CFH: variants seen among roughly 807,000 people sequenced by gnomAD.
CFH encodes the protein complement factor H, also known as H factor 1 (complement).
In CFH, 53 loss-of-function variants were observed where a neutral mutation model predicts 147.3. That is an observed-to-expected ratio of 0.36 (90% CI 0.29 to 0.45). The LOEUF is 0.45. Among genes scored for constraint, CFH ranks in the 20% least tolerant of loss-of-function variants. The pLI is 1.00. For missense variants in CFH, 1,380 were observed against 1,498.0 expected, an observed-to-expected ratio of 0.92 and a Z score of 1.30; for synonymous variants, 536 against 489.4, an observed-to-expected ratio of 1.10 and a Z score of -1.26.
At chr1:196,724,238 A>G (rs1205861044) in intron 11 of CFH, among the ~76,000 whole-genome samples, 1 of 151,896 alleles carries the variant, frequency 6.6e-6, no homozygotes. Flanking sequence ...TGCCACATCC[A>G]AGCAGGTGAC....
At chr1:196,705,974 C>T (rs146501595) in intron 9 of CFH, among the ~76,000 whole-genome samples, 68 of 152,228 alleles carry the variant, frequency 4.5e-4, no homozygotes, top group African/African-American at 1.6e-3. Flanking sequence ...TTCTATTCAA[C>T]CAGACATGAC....
Position 196,700,870 on chromosome 1 carries a change from A to G in CFH, c.1336+10631A>G, listed in dbSNP as rs1481611066. On this transcript the variant is annotated intron_variant, in intron 9 of 21. Coordinates refer to ENST00000367429, the MANE Select transcript of CFH (RefSeq NM_000186.4). ...ACACAACCTTGTCTGCAGCAGAGAAACCATTTCTGGTCTCAGAAGAAGTCT... is the reference window on the plus strand; with the variant it reads ...ACACAACCTTGTCTGCAGCAGAGAAGCCATTTCTGGTCTCAGAAGAAGTCT... The G allele has an allele frequency of 4.1e-6, 4 of 985,066 alleles. No individual in the cohort carries two copies. In the African/African-American group the frequency reaches 7.0e-5, roughly 17 times the overall value. 61.0% of individuals were successfully genotyped at this position (985,066 alleles called of 1,614,324 possible).
chr1:196,659,675 C>T (rs771654712), intron 1 of CFH, among the ~76,000 whole-genome samples: 20 of 152,202 alleles, frequency 1.3e-4, no homozygotes, highest in Non-Finnish European at 2.4e-4. Context: ...GTGGAAAGGG[C>T]CTGTAACTTC....
chr1:196,720,620 CT>C (rs991012845), intron 11 of CFH, among the ~76,000 whole-genome samples: 42 of 151,160 alleles, frequency 2.8e-4, no homozygotes, highest in African/African-American at 8.5e-4. Flanking sequence ...TGATTTTATT[CT>C]TTTTTTTTCT....
intron 20 of CFH, among the ~76,000 whole-genome samples, chr1:196,744,116 A>G (rs1652917583): frequency 6.6e-6 from 1 of 152,134 alleles, no homozygotes; most frequent in Non-Finnish European, 1.5e-5. Context: ...AATAAGGGAA[A>G]CCAAAAAAGG....
chr1:196,724,793 G>T (rs1429826610), intron 11 of CFH, among the ~76,000 whole-genome samples: 1 of 152,094 alleles, frequency 6.6e-6, no homozygotes, highest in African/African-American at 2.4e-5. Flanking sequence ...TTTAATATGA[G>T]AGAGTAATTT....
At chr1:196,691,753 T>C (rs1257742235) in intron 9 of CFH, among the ~76,000 whole-genome samples, 3 of 152,132 alleles carry the variant, frequency 2.0e-5, no homozygotes, top group Non-Finnish European at 4.4e-5. Context: ...AGTTGCTCAT[T>C]CTACTACATA....
chr1:196,729,816 T>C lies in CFH; in HGVS notation c.2413+1294T>C, dbSNP rs531678217. On this transcript the variant is annotated intron_variant, in intron 15 of 21. Coordinates refer to ENST00000367429, the MANE Select transcript of CFH (RefSeq NM_000186.4). ...TCTATTTCCTCTGAATTAATCGTCG[T>C]AGGCTGTGTGTCTAGAAATTTATCC... 1.8e-4 allele frequency among the ~76,000 whole-genome samples: 27 copies of C among 152,046 alleles called. No homozygotes were observed. In the South Asian group the frequency reaches 5.0e-3, roughly 28 times the overall value.
intron 8 of CFH, 137 bp downstream of exon 8, chr1:196,689,751 A>G (rs1180995933): frequency 4.3e-6 from 4 of 938,076 alleles, no homozygotes; most frequent in African/African-American, 1.7e-5. Context: ...AAAGTGACCA[A>G]AATAGATCTT....
intron 10 of CFH, among the ~76,000 whole-genome samples, chr1:196,714,663 A>ATGTG (rs1668815986): frequency 6.0e-5 from 3 of 50,098 alleles, no homozygotes; most frequent in African/African-American, 2.0e-4. Context: ...ATATATATAT[A>ATGTG]TATATAGAGA....
At chr1:196,721,555 A>C (rs1668998485) in intron 11 of CFH, among the ~76,000 whole-genome samples, 1 of 151,990 alleles carries the variant, frequency 6.6e-6, no homozygotes, top group South Asian at 2.1e-4. Context: ...ATGTCGTTAA[A>C]ATGTCTGTTA....
chr1:196,666,583 G>A (rs1416919298), intron 1 of CFH, among the ~76,000 whole-genome samples: 1 of 151,694 alleles, frequency 6.6e-6, no homozygotes, highest in Non-Finnish European at 1.5e-5. Flanking sequence ...GGGAGGCCGA[G>A]GTCAGGAGAT....
At chr1:196,716,911 C>A (rs1157490761) in intron 11 of CFH, among the ~76,000 whole-genome samples, 5 of 151,858 alleles carry the variant, frequency 3.3e-5, no homozygotes, top group Admixed American at 2.6e-4. Context: ...GGATATGCAT[C>A]TAGAGAGGAG....
chr1:196,692,398 C>A, intron 9 of CFH: 2 of 843,154 alleles, frequency 2.4e-6, no homozygotes, highest in Non-Finnish European at 2.9e-6. Flanking sequence ...TAATAATATG[C>A]CTTGATTAGA....
chr1:196,719,301 T>C (rs1328169550), intron 11 of CFH, among the ~76,000 whole-genome samples: 1 of 151,926 alleles, frequency 6.6e-6, no homozygotes, highest in East Asian at 1.9e-4. Context: ...TTCACAATAT[T>C]ACAACAGACA....
chr1:196,706,452 G>GA (rs1156749101), intron 9 of CFH, among the ~76,000 whole-genome samples: 21 of 151,888 alleles, frequency 1.4e-4, no homozygotes, highest in African/African-American at 5.1e-4. Context: ...GGTGAACAGA[G>GA]AAAAAAATGC....
chr1:196,668,249 C>T (rs966466046), intron 1 of CFH, among the ~76,000 whole-genome samples: 3 of 152,048 alleles, frequency 2.0e-5, no homozygotes, highest in Admixed American at 2.0e-4. Flanking sequence ...GTTGAGTCTG[C>T]TCTTGTTGAA....
In CFH at chr1:196,677,590, G is replaced by C. The variant is rs1667500279; in HGVS notation, c.542G>C (p.Gly181Ala). 1 of 1,613,166 alleles carries C rather than the reference G, an allele frequency of 6.2e-7. No individual in the cohort carries two copies. The highest frequency in any genetic ancestry group is 1.1e-5 in the South Asian group (1 of 91,066). ...GCAGTACGGTTTGTATGTAACTCAG[G>C]CTACAAGATTGAAGGAGATGAAGAA... ...GQAVRFVCNSGYKIEGDEEMH... is the reference protein window; with the variant it reads ...GQAVRFVCNSAYKIEGDEEMH... Residue 181 changes from glycine (G) to alanine (A), a missense_variant, in exon 5 of 22, where the codon GGC becomes GCC. Physicochemically the swap from Gly to Ala is moderately conservative, Grantham distance 60 (BLOSUM62 0). Coordinates refer to ENST00000367429, the MANE Select transcript of CFH (RefSeq NM_000186.4).
chr1:196,683,064 T>A (rs1226727452), intron 6 of CFH, among the ~76,000 whole-genome samples: 2 of 149,264 alleles, frequency 1.3e-5, no homozygotes, highest in Non-Finnish European at 1.5e-5. Flanking sequence ...GGAGATGAGA[T>A]GTGACAAGTA....
Sources: allele counts gnomAD v4.1 joint callset (sites outside exome capture counted in the v4.1 genomes callset), GRCh38; gene constraint gnomAD v4.1.1; transcripts MANE v1.5; gene names NCBI Gene and HGNC (gene_info 2026-07-23, HGNC 2026-07-21).